TANGO6: variants seen among roughly 807,000 people sequenced by gnomAD.
TANGO6 encodes the protein transport and golgi organization 6 homolog, also known as transport and Golgi organization protein 6 homolog.
A neutral mutation model predicts 114.2 loss-of-function variants in TANGO6; 90 were observed. The observed-to-expected ratio is 0.79, with a 90% CI of 0.66 to 0.94. TANGO6 has a LOEUF of 0.94. Ranked by LOEUF, TANGO6 falls within the 40% of genes least tolerant of loss-of-function variation. The probability of loss-of-function intolerance (pLI) is 0.00; values close to 1 mark genes in which losing one functional copy is unlikely to be tolerated. For synonymous variants in TANGO6, 477 were observed against 509.8 expected (o/e 0.94, Z 0.87); for missense variants, 1,274 against 1,315.3 (o/e 0.97, Z 0.49).
intron 12 of TANGO6, among the ~76,000 whole-genome samples, chr16:68,921,952 G>T (rs1456258619): frequency 6.6e-6 from 1 of 151,968 alleles, no homozygotes; most frequent in African/African-American, 2.4e-5. Context: ...ATTTGTAAAT[G>T]GCTTCTATAG....
intron 7 of TANGO6, among the ~76,000 whole-genome samples, chr16:68,893,757 C>CAA (rs796651419): frequency 0.023 from 1,947 of 84,096 alleles, 31 homozygotes; most frequent in African/African-American, 0.062. Context: ...AGAAAACAAC[C>CAA]AAAAAAAAAA....
chr16:69,078,495 A>C (rs6499215), intron 17 of TANGO6, among the ~76,000 whole-genome samples: 50,528 of 151,914 alleles, frequency 0.33, 11,130 homozygotes, highest in African/African-American at 0.64. Context: ...ATCTCCAGTG[A>C]ACTTTCCTAT....
intron 15 of TANGO6, among the ~76,000 whole-genome samples, chr16:68,985,740 T>A (rs1963882817): frequency 6.6e-6 from 1 of 152,220 alleles, no homozygotes; most frequent in African/African-American, 2.4e-5. Context: ...AATTTAATTT[T>A]AAAAGATACT....
At chr16:68,849,804 G>A (rs1004319372) in intron 1 of TANGO6, among the ~76,000 whole-genome samples, 1 of 151,896 alleles carries the variant, frequency 6.6e-6, no homozygotes, top group African/African-American at 2.4e-5. Context: ...AAATAGAATG[G>A]ATTTTTTTAT....
intron 1 of TANGO6, among the ~76,000 whole-genome samples, chr16:68,857,087 C>T (rs1296839043): frequency 5.3e-5 from 8 of 152,270 alleles, no homozygotes; most frequent in African/African-American, 7.2e-5. Flanking sequence ...CCAGCCTGGG[C>T]GACAGAGCGA....
Position 68,878,250 on chromosome 16 carries a change from GCTC to G in TANGO6, c.1268_1270del (p.Pro423del). ...AAAGTATTTGCTCCAGCCAGTGTTA[GCTC>G]CTCTTCATCGATGTTTGAATACAGC... On this transcript the variant is annotated inframe_deletion, in exon 6 of 18. Transcript: ENST00000261778. 1 of 1,611,324 alleles carries G rather than the reference GCTC, an allele frequency of 6.2e-7. No individual in the cohort carries two copies. The highest frequency in any genetic ancestry group is 1.3e-5 in the African/African-American group (1 of 74,944).
intron 14 of TANGO6, among the ~76,000 whole-genome samples, chr16:68,964,309 T>A (rs552956483): frequency 1.1e-4 from 17 of 151,858 alleles, no homozygotes; most frequent in Admixed American, 3.3e-4. Flanking sequence ...GTAAAAAAAA[T>A]TTTTAACTTA....
At chr16:69,018,600 A>G (rs569959413) in intron 15 of TANGO6, among the ~76,000 whole-genome samples, 1 of 151,488 alleles carries the variant, frequency 6.6e-6, no homozygotes, top group South Asian at 2.1e-4. Context: ...CTTTTTTCCT[A>G]TGCATTTGAA....
At chr16:68,975,070 TGTCAAGCA>T (rs1963750404) in intron 15 of TANGO6, among the ~76,000 whole-genome samples, 1 of 151,982 alleles carries the variant, frequency 6.6e-6, no homozygotes, top group African/African-American at 2.4e-5. Flanking sequence ...AGAATAGGAA[TGTCAAGCA>T]GGGAAGGAAG....
chr16:69,021,536 C>G (rs1342766055), intron 15 of TANGO6, among the ~76,000 whole-genome samples: 1 of 152,162 alleles, frequency 6.6e-6, no homozygotes, highest in Non-Finnish European at 1.5e-5. Flanking sequence ...ATATAAGCCA[C>G]AGAAGGGCAG....
intron 17 of TANGO6, among the ~76,000 whole-genome samples, chr16:69,070,398 C>T (rs947889247): frequency 4.0e-5 from 6 of 151,666 alleles, no homozygotes; most frequent in Non-Finnish European, 4.4e-5. Flanking sequence ...TTTGGGAGGC[C>T]GAAGCGGGGG....
At chr16:69,039,558 C>A (rs1959742911) in intron 16 of TANGO6, among the ~76,000 whole-genome samples, 1 of 151,970 alleles carries the variant, frequency 6.6e-6, no homozygotes, top group African/African-American at 2.4e-5. Context: ...GTCACTTGTG[C>A]CCAGGAGGTC....
At position 68,863,015 on chromosome 16, in the gene TANGO6, C is replaced by A. The variant is rs746700332; in HGVS notation, c.806C>A (p.Pro269His). ...LRDMLDQVYQPLAVRELLILQ... is the reference protein window; with the variant it reads ...LRDMLDQVYQHLAVRELLILQ... ...GACATGCTGGATCAAGTCTATCAGC[C>A]CTTAGCAGTCCGGGAACTGCTTATC... Residue 269 changes from proline (P) to histidine (H), a missense_variant, in exon 3 of 18, where the codon CCC becomes CAC. This residue lies in a region of TANGO6 where 908 missense variants were observed against 910.2 expected (regional missense o/e 1.00). Coordinates refer to ENST00000261778, the MANE Select transcript of TANGO6 (RefSeq NM_024562.2). The A allele has an allele frequency of 6.3e-7, 1 of 1,597,876 alleles. No individual in the cohort carries two copies. Among genetic ancestry groups the A allele is most frequent in the South Asian group, 1.1e-5 (1 of 87,724 alleles).
At chr16:68,876,796 G>A (rs760563561) in intron 5 of TANGO6, among the ~76,000 whole-genome samples, 1 of 152,108 alleles carries the variant, frequency 6.6e-6, no homozygotes, top group Admixed American at 6.6e-5. Flanking sequence ...ACTCCAGCCC[G>A]GGTGACAGAG....
rs76508960 is a variant in TANGO6 at position 68,887,983 on chromosome 16, G to A, written c.1377+7353G>A. On this transcript the variant is annotated intron_variant, in intron 7 of 17. Coordinates refer to ENST00000261778, the MANE Select transcript of TANGO6 (RefSeq NM_024562.2). Reference sequence around the variant, plus strand: ...TAGGGGAAGGGCTTTTTACTCTTGCGTCCTTCACTCCAGCAGGGAGTAGAG... The same window carrying A: ...TAGGGGAAGGGCTTTTTACTCTTGCATCCTTCACTCCAGCAGGGAGTAGAG... 5.1e-3 allele frequency among the ~76,000 whole-genome samples: 777 copies of A among 152,248 alleles called. 4 individuals are homozygous for A. Among genetic ancestry groups the A allele is most frequent in the Non-Finnish European group, 5.2e-3 (356 of 68,014 alleles).
intron 16 of TANGO6, among the ~76,000 whole-genome samples, chr16:69,036,247 A>G (rs958167788): frequency 6.6e-6 from 1 of 152,074 alleles, no homozygotes; most frequent in Non-Finnish European, 1.5e-5. Flanking sequence ...AGTGGCCTAC[A>G]TCCTCCCCAC....
At chr16:68,921,888 C>T (rs1222213870) in intron 12 of TANGO6, among the ~76,000 whole-genome samples, 1 of 151,914 alleles carries the variant, frequency 6.6e-6, no homozygotes, top group Non-Finnish European at 1.5e-5. Context: ...ATAAGCACGT[C>T]ACCCCCTATA....
intron 14 of TANGO6, among the ~76,000 whole-genome samples, chr16:68,962,817 C>G (rs1178926391): frequency 6.6e-6 from 1 of 151,660 alleles, no homozygotes; most frequent in Non-Finnish European, 1.5e-5. Context: ...CGCGGTGGCT[C>G]ATGCCTGTAA....
At chr16:68,981,210 CTTTTTTTTTT>C (rs553789256) in intron 15 of TANGO6, among the ~76,000 whole-genome samples, 2 of 111,052 alleles carry the variant, frequency 1.8e-5, no homozygotes, top group Non-Finnish European at 3.7e-5. Context: ...TTTTCTTTTC[CTTTTTTTTTT>C]TTTTTTTTTT....
Sources: allele counts gnomAD v4.1 joint callset (sites outside exome capture counted in the v4.1 genomes callset), GRCh38; gene constraint gnomAD v4.1.1; regional missense constraint gnomAD v4.1.1; transcripts MANE v1.5; gene names NCBI Gene and HGNC (gene_info 2026-07-23, HGNC 2026-07-21).